The following SLC39A11 variants were observed in gnomAD, a reference collection of about 807,000 sequenced individuals.
The protein encoded by SLC39A11 is zinc transporter ZIP11.
SLC39A11 carries 33 observed loss-of-function variants against 36.1 expected under a neutral mutation model. The ratio of observed to expected loss-of-function variants is 0.91; its 90% CI spans 0.69 to 1.22. The LOEUF (loss-of-function observed/expected upper bound fraction) is 1.22, where lower values mean the gene tolerates loss of function less well. SLC39A11 is among the 50% of genes most tolerant of loss of function. The pLI is 0.00. For synonymous variants in SLC39A11, 166 were observed against 170.3 expected (o/e 0.97, Z 0.20); for missense variants, 432 against 430.3 (o/e 1.00, Z -0.03).
intron 6 of SLC39A11, among the ~76,000 whole-genome samples, chr17:72,846,072 C>T: frequency 8.2e-6 from 1 of 121,516 alleles, no homozygotes; most frequent in South Asian, 2.6e-4. Flanking sequence ...CTTTGTCGCC[C>T]AGGCTGCAGT....
chr17:72,952,511 G>A (rs2085937864), intron 4 of SLC39A11, among the ~76,000 whole-genome samples: 1 of 152,196 alleles, frequency 6.6e-6, no homozygotes, highest in Admixed American at 6.5e-5. Context: ...TGCTCACTGG[G>A]CATGGGGACT....
At chr17:72,853,820 A>G (rs1413959852) in intron 5 of SLC39A11, among the ~76,000 whole-genome samples, 2 of 152,110 alleles carry the variant, frequency 1.3e-5, no homozygotes, top group Non-Finnish European at 2.9e-5. Context: ...TGGTAAGGCT[A>G]GTTCAACCAT....
intron 5 of SLC39A11, among the ~76,000 whole-genome samples, chr17:72,942,763 T>C (rs2085195391): frequency 6.6e-6 from 1 of 152,204 alleles, no homozygotes; most frequent in South Asian, 2.1e-4. Flanking sequence ...GCTGAGCTTA[T>C]AGCGAGAACC....
intron 7 of SLC39A11, among the ~76,000 whole-genome samples, chr17:72,691,064 G>T (rs757553217): frequency 2.0e-5 from 3 of 152,194 alleles, no homozygotes; most frequent in Non-Finnish European, 4.4e-5. Context: ...TCAAAGGAAT[G>T]ATTCCATACA....
At chr17:72,729,432 TATATA>T (rs2074093759) in intron 7 of SLC39A11, among the ~76,000 whole-genome samples, 3 of 3,458 alleles carry the variant, frequency 8.7e-4, no homozygotes, top group East Asian at 4.3e-3. Flanking sequence ...TATATATATA[TATATA>T]TATATATATA....
At chr17:72,877,432 C>T (rs974355715) in intron 5 of SLC39A11, among the ~76,000 whole-genome samples, 1 of 152,198 alleles carries the variant, frequency 6.6e-6, no homozygotes, top group African/African-American at 2.4e-5. Context: ...ACCTCAAACA[C>T]AATTTTTTCA....
At chr17:72,964,372 C>T (rs181045372) in intron 4 of SLC39A11, among the ~76,000 whole-genome samples, 68 of 152,308 alleles carry the variant, frequency 4.5e-4, no homozygotes, top group Middle Eastern at 3.4e-3. Context: ...CCTCCCGGTC[C>T]GCATCAGCCA....
intron 7 of SLC39A11, among the ~76,000 whole-genome samples, chr17:72,724,892 T>C (rs1025909519): frequency 6.6e-6 from 1 of 152,200 alleles, no homozygotes; most frequent in Admixed American, 6.5e-5. Flanking sequence ...GTTTTCCCAG[T>C]TGCAGTTGAT....
intron 7 of SLC39A11, among the ~76,000 whole-genome samples, chr17:72,695,517 C>T (rs2072254869): frequency 6.6e-6 from 1 of 152,214 alleles, no homozygotes; most frequent in Admixed American, 6.5e-5. Flanking sequence ...AACTTCTTTC[C>T]TTTGGGAGAA....
At chr17:73,029,763 G>T (rs2058680796) in intron 4 of SLC39A11, among the ~76,000 whole-genome samples, 1 of 152,046 alleles carries the variant, frequency 6.6e-6, no homozygotes, top group Admixed American at 6.6e-5. Context: ...TGTATTTTTA[G>T]TAAAGATGGG....
At chr17:72,758,672 G>T (rs2075452952) in intron 6 of SLC39A11, among the ~76,000 whole-genome samples, 1 of 152,158 alleles carries the variant, frequency 6.6e-6, no homozygotes, top group Non-Finnish European at 1.5e-5. Context: ...GGAAGGTCAG[G>T]AGATAAACAA....
intron 4 of SLC39A11, among the ~76,000 whole-genome samples, chr17:73,021,026 C>T (rs935474268): frequency 6.6e-6 from 1 of 151,604 alleles, no homozygotes; most frequent in Non-Finnish European, 1.5e-5. Context: ...CACAGAACTC[C>T]CTCCCTCCCA....
At chr17:72,938,669 T>C (rs1226760907) in intron 5 of SLC39A11, among the ~76,000 whole-genome samples, 1 of 152,164 alleles carries the variant, frequency 6.6e-6, no homozygotes, top group Non-Finnish European at 1.5e-5. Context: ...CTCTTAAATC[T>C]TCGACAAATA....
In SLC39A11 at chr17:72,825,097, C is replaced by G. The variant is rs570856714; in HGVS notation, c.601+24537G>C. ...AAATGCCTCAAAGGCATTTCAGAGACCTTTGTGGAAGCCCCTTCCATCATA... is the reference window on the plus strand; with the variant it reads ...AAATGCCTCAAAGGCATTTCAGAGAGCTTTGTGGAAGCCCCTTCCATCATA... On this transcript the variant is annotated intron_variant, in intron 6 of 9. Transcript: ENST00000255559. Among the ~76,000 whole-genome samples, 3 of 151,362 alleles carry G rather than the reference C, an allele frequency of 2.0e-5. No individual in the cohort carries two copies. The East Asian group carries it at 5.8e-4, about 29-fold the overall frequency.
intron 5 of SLC39A11, among the ~76,000 whole-genome samples, chr17:72,872,353 C>A (rs1784813166): frequency 6.6e-6 from 1 of 152,132 alleles, no homozygotes; most frequent in African/African-American, 2.4e-5. Context: ...GTCATCAGGG[C>A]CAGATGGGTA....
At chr17:73,044,806 G>A (rs1568179107) in intron 3 of SLC39A11, among the ~76,000 whole-genome samples, 2 of 151,410 alleles carry the variant, frequency 1.3e-5, no homozygotes, top group Admixed American at 6.6e-5. Context: ...GAACCTGGGA[G>A]GTGGAGGTTG....
rs186091313 is a variant in SLC39A11, at chr17:72,671,676, G to T, written c.672-22408C>A. Among the ~76,000 whole-genome samples, 4 of 151,916 alleles carry T rather than the reference G, an allele frequency of 2.6e-5. No homozygotes were observed. The South Asian group carries it at 8.3e-4, about 32-fold the overall frequency. On this transcript the variant is annotated intron_variant, in intron 7 of 9. Transcript: ENST00000255559. ...GTGGCGGTTGCAGTAAGCAGAGATC[G>T]TGCCACTGCACTCCAGCCTGGGCAG...
intron 5 of SLC39A11, among the ~76,000 whole-genome samples, chr17:72,877,037 C>T (rs2080935397): frequency 6.6e-6 from 1 of 152,182 alleles, no homozygotes; most frequent in Non-Finnish European, 1.5e-5. Flanking sequence ...AGAAAAAATG[C>T]ATAATGTAGG....
intron 3 of SLC39A11, among the ~76,000 whole-genome samples, chr17:73,048,648 TG>T (rs1480047715): frequency 1.3e-5 from 2 of 152,230 alleles, no homozygotes; most frequent in Non-Finnish European, 2.9e-5. Flanking sequence ...ATTCTAGCCC[TG>T]CTTGTGACTA....
Sources: gnomAD v4.1 joint callset for allele counts (sites outside exome capture counted in the v4.1 genomes callset) on GRCh38, gnomAD v4.1.1 for gene constraint, MANE v1.5 for transcripts, NCBI Gene and HGNC (gene_info 2026-07-23, HGNC 2026-07-21) for gene names.